Variants in FGF12 observed in about 807,000 individuals in gnomAD.
The protein encoded by FGF12 is fibroblast growth factor 12.
FGF12 carries 14 observed loss-of-function variants against 23.6 expected under a neutral mutation model. The observed-to-expected ratio is 0.59, with a 90% confidence interval of 0.39 to 0.93. The LOEUF is 0.93. Ranked by LOEUF, FGF12 falls within the 40% of genes least tolerant of loss-of-function variation. The pLI, the probability that FGF12 is intolerant of heterozygous loss-of-function variation, is 0.00. For synonymous variants in FGF12, 62 were observed against 77.3 expected (o/e 0.80, Z 1.04); for missense variants, 175 against 217.8 (o/e 0.80, Z 1.24).
chr3:192,495,094 C>G (rs1000694480), intron 2 of FGF12, among the ~76,000 whole-genome samples: 1 of 152,030 alleles, frequency 6.6e-6, no homozygotes, highest in African/African-American at 2.4e-5. Flanking sequence ...CTCCTGACCT[C>G]GTGATCCACC....
At chr3:192,601,350 G>T (rs1714107923) in intron 2 of FGF12, among the ~76,000 whole-genome samples, 1 of 152,052 alleles carries the variant, frequency 6.6e-6, no homozygotes, top group South Asian at 2.1e-4. Flanking sequence ...AGCTAGATAG[G>T]AAGAGTAAGT....
At chr3:192,593,903 C>G (rs771671134) in intron 2 of FGF12, among the ~76,000 whole-genome samples, 1 of 151,802 alleles carries the variant, frequency 6.6e-6, no homozygotes, top group Non-Finnish European at 1.5e-5. Context: ...ATTACTCTGC[C>G]TGAGAATATT....
intron 2 of FGF12, among the ~76,000 whole-genome samples, chr3:192,365,428 A>G (rs749417238): frequency 2.0e-5 from 3 of 152,168 alleles, no homozygotes; most frequent in Admixed American, 6.5e-5. Context: ...AAATCTGAAT[A>G]AAGTATGGAT....
chr3:192,657,199 A>C (rs1468148498), intron 2 of FGF12, among the ~76,000 whole-genome samples: 2 of 152,074 alleles, frequency 1.3e-5, no homozygotes, highest in Non-Finnish European at 2.9e-5. Context: ...TATTTGATAT[A>C]ACGTATTGAA....
At chr3:192,224,789 T>C (rs975585765) in intron 4 of FGF12, among the ~76,000 whole-genome samples, 3 of 152,188 alleles carry the variant, frequency 2.0e-5, no homozygotes, top group Admixed American at 1.3e-4. Context: ...TTCTCAACTG[T>C]ACATAATCCT....
At chr3:192,639,083 A>G (rs183687637) in intron 2 of FGF12, among the ~76,000 whole-genome samples, 9 of 152,254 alleles carry the variant, frequency 5.9e-5, no homozygotes, top group African/African-American at 2.2e-4. Flanking sequence ...AGATTTATAA[A>G]GAACTCATAC....
intron 2 of FGF12, among the ~76,000 whole-genome samples, chr3:192,414,866 C>T (rs1721296035): frequency 6.6e-6 from 1 of 152,072 alleles, no homozygotes; most frequent in South Asian, 2.1e-4. Flanking sequence ...AAACAAGTAT[C>T]CCCAATTCTC....
intron 4 of FGF12, among the ~76,000 whole-genome samples, chr3:192,304,527 GA>G (rs1715516228): frequency 6.6e-6 from 1 of 151,710 alleles, no homozygotes; most frequent in African/African-American, 2.4e-5. Flanking sequence ...GAAAGACCAG[GA>G]AATTTTTTTA....
intron 2 of FGF12, among the ~76,000 whole-genome samples, chr3:192,391,395 C>T (rs1012771403): frequency 2.6e-5 from 4 of 152,150 alleles, no homozygotes; most frequent in East Asian, 1.9e-4. Flanking sequence ...GTTTGGTTAA[C>T]GTTAAAAAAT....
chr3:192,503,011 A>G (rs1458586141), intron 2 of FGF12, among the ~76,000 whole-genome samples: 1 of 152,214 alleles, frequency 6.6e-6, no homozygotes, highest in Non-Finnish European at 1.5e-5. Context: ...CTTAAGACTG[A>G]AAGAGGAGAG....
chr3:192,223,545 A>T lies in FGF12; in HGVS notation c.229-52889T>A, dbSNP rs1718578259. Among the ~76,000 whole-genome samples, 3 of 152,156 alleles carry T rather than the reference A, an allele frequency of 2.0e-5. No homozygotes were observed. In the South Asian group the frequency reaches 6.2e-4, roughly 31 times the overall value. ...TATGCCTTTTTAGCATTCATTAATG[A>T]TGGTGACCATACATCCAGTTTGTCT... is the stretch of plus-strand genomic sequence containing the variant. On this transcript the variant is annotated intron_variant, in intron 4 of 5. Transcript: ENST00000445105.
At chr3:192,155,079 A>G (rs1473568495) in intron 5 of FGF12, among the ~76,000 whole-genome samples, 1 of 151,146 alleles carries the variant, frequency 6.6e-6, no homozygotes, top group Admixed American at 6.6e-5. Flanking sequence ...CCGATTTTCC[A>G]GGTGCGTCTG....
chr3:192,412,142 A>G (rs11710062), intron 2 of FGF12, among the ~76,000 whole-genome samples: 45,667 of 152,112 alleles, frequency 0.3, 7,365 homozygotes, highest in Non-Finnish European at 0.36. Flanking sequence ...CATAAATAAT[A>G]CTAGAAGACA....
intron 4 of FGF12, among the ~76,000 whole-genome samples, chr3:192,255,066 A>G (rs1374383530): frequency 6.6e-6 from 1 of 151,992 alleles, no homozygotes; most frequent in Non-Finnish European, 1.5e-5. Flanking sequence ...TCCCCTGTTT[A>G]CCAGCTGTGA....
At chr3:192,476,497 G>A (rs1175312151) in intron 2 of FGF12, among the ~76,000 whole-genome samples, 1 of 152,136 alleles carries the variant, frequency 6.6e-6, no homozygotes, top group East Asian at 1.9e-4. Context: ...TGAATGAATT[G>A]ATCAATGGCA....
chr3:192,204,356 C>A (rs1717532993), intron 4 of FGF12, among the ~76,000 whole-genome samples: 1 of 152,132 alleles, frequency 6.6e-6, no homozygotes, highest in African/African-American at 2.4e-5. Flanking sequence ...CCACATGTGA[C>A]TACTGAGCAG....
intron 4 of FGF12, among the ~76,000 whole-genome samples, chr3:192,196,604 T>C (rs1033404808): frequency 2.0e-5 from 3 of 152,190 alleles, no homozygotes; most frequent in Non-Finnish European, 4.4e-5. Context: ...CATGTTTGGC[T>C]GTAAAGAATG....
At chr3:192,458,213 C>T (rs771908732) in intron 2 of FGF12, among the ~76,000 whole-genome samples, 10 of 152,138 alleles carry the variant, frequency 6.6e-5, no homozygotes, top group African/African-American at 9.7e-5. Context: ...AATGTGGGGT[C>T]GGAGTCCCCA....
At chr3:192,288,215 C>A (rs1300582809) in intron 4 of FGF12, among the ~76,000 whole-genome samples, 1 of 152,068 alleles carries the variant, frequency 6.6e-6, no homozygotes, top group African/African-American at 2.4e-5. Context: ...AAAGATGCGT[C>A]ATTCACAAAA....
Sources: gnomAD v4.1 joint callset for allele counts (sites outside exome capture counted in the v4.1 genomes callset) on GRCh38, gnomAD v4.1.1 for gene constraint, MANE v1.5 for transcripts, NCBI Gene and HGNC (gene_info 2026-07-23, HGNC 2026-07-21) for gene names.